AP1S3: variants seen among roughly 807,000 people sequenced by gnomAD.
The protein encoded by AP1S3 is AP-1 complex subunit sigma-3.
AP1S3 carries 10 observed loss-of-function variants against 20.9 expected under a neutral mutation model. That is an observed-to-expected ratio of 0.48 (90% CI 0.29 to 0.81). AP1S3 has a LOEUF of 0.81. Among genes scored for constraint, AP1S3 ranks in the 30% least tolerant of loss-of-function variants. The probability of loss-of-function intolerance (pLI) is 0.08; values close to 1 mark genes in which losing one functional copy is unlikely to be tolerated. For missense variants in AP1S3, 154 were observed against 183.8 expected, an observed-to-expected ratio of 0.84 and a Z score of 0.94; for synonymous variants, 41 against 61.5, an observed-to-expected ratio of 0.67 and a Z score of 1.56.
Position 223,756,795 on chromosome 2 carries a change from G to A in AP1S3, c.*1920C>T, listed in dbSNP as rs1379420040. 1.2e-5 allele frequency: 12 copies of A among 984,964 alleles called. No homozygotes were observed. The highest frequency in any genetic ancestry group is 1.4e-5 in the Non-Finnish European group (12 of 829,866). 61.0% of individuals were successfully genotyped at this position (984,964 alleles called of 1,614,324 possible). A position where few individuals can be genotyped will look rare whatever the true frequency, so the allele number is the denominator to read the frequency against. On this transcript the variant is annotated 3_prime_UTR_variant, in exon 5 of 5. Coordinates refer to ENST00000396654, the MANE Select transcript of AP1S3 (RefSeq NM_001039569.2). ...GAACTAAAGAGAACATTTTTCCATCGAGTTCTCTAAAAATCTACCAGATGG... is the reference window on the plus strand; with the variant it reads ...GAACTAAAGAGAACATTTTTCCATCAAGTTCTCTAAAAATCTACCAGATGG...
chr2:223,807,919 A>T (rs1449805845), intron 1 of AP1S3, among the ~76,000 whole-genome samples: 1 of 114,538 alleles, frequency 8.7e-6, no homozygotes, highest in African/African-American at 3.6e-5. Context: ...TCTGTCACCC[A>T]GGCAGTGACA....
In AP1S3 at chr2:223,756,455, A is replaced by G. The variant is rs1690221994; in HGVS notation, c.*2260T>C. ...AGGAAGGAAGAAAGGAAGGAAAAGA[A>G]AGAAAGAAAGAAAAGAAAGAAAGAA... On this transcript the variant is annotated 3_prime_UTR_variant, in exon 5 of 5. Coordinates refer to ENST00000396654, the MANE Select transcript of AP1S3 (RefSeq NM_001039569.2). The G allele has an allele frequency of 2.4e-6, 2 of 838,494 alleles. No individual in the cohort carries two copies. Among genetic ancestry groups the G allele is most frequent in the Admixed American group, 1.3e-4 (2 of 15,536 alleles). The allele number at this position is 838,494 out of a possible 1,614,324, so 51.9% of individuals were successfully genotyped here.
chr2:223,815,234 C>T (rs13408145), intron 1 of AP1S3, among the ~76,000 whole-genome samples: 49,016 of 152,094 alleles, frequency 0.32, 8,316 homozygotes, highest in Middle Eastern at 0.43. Context: ...TACTTTTTGG[C>T]ATCAAACCAA....
intron 1 of AP1S3, among the ~76,000 whole-genome samples, chr2:223,831,432 T>A (rs1692255530): frequency 6.6e-6 from 1 of 152,134 alleles, no homozygotes; most frequent in Admixed American, 6.6e-5. Flanking sequence ...CCGTGCCCGG[T>A]CAAGAAATAC....
chr2:223,825,038 G>A (rs1193100754), intron 1 of AP1S3, among the ~76,000 whole-genome samples: 2 of 151,970 alleles, frequency 1.3e-5, no homozygotes, highest in African/African-American at 4.8e-5. Context: ...GGCCGGGCTC[G>A]GTGGCTCACG....
intron 3 of AP1S3, among the ~76,000 whole-genome samples, chr2:223,767,132 G>A (rs1690504698): frequency 1.3e-5 from 2 of 151,906 alleles, no homozygotes; most frequent in Admixed American, 1.3e-4. Flanking sequence ...AAATACCTAT[G>A]TAACAAACCT....
intron 1 of AP1S3, among the ~76,000 whole-genome samples, chr2:223,795,686 G>A (rs922308892): frequency 4.6e-5 from 7 of 152,066 alleles, no homozygotes; most frequent in African/African-American, 1.7e-4. Context: ...TTTAAATCCC[G>A]GCTCTGTCAT....
At chr2:223,826,164 T>C (rs954428700) in intron 1 of AP1S3, among the ~76,000 whole-genome samples, 6 of 152,188 alleles carry the variant, frequency 3.9e-5, no homozygotes, top group South Asian at 2.1e-4. Context: ...AATATGCTGA[T>C]TGAATTTCTC....
chr2:223,788,099 A>C (rs1691118481), intron 1 of AP1S3, among the ~76,000 whole-genome samples: 1 of 151,814 alleles, frequency 6.6e-6, no homozygotes, highest in East Asian at 2.0e-4. Context: ...GACATGTGCC[A>C]CCATGCCTGG....
intron 1 of AP1S3, among the ~76,000 whole-genome samples, chr2:223,823,535 T>C (rs647138): frequency 0.66 from 99,606 of 151,994 alleles, 34,754 homozygotes; most frequent in African/African-American, 0.91. Flanking sequence ...CAAAGAAAGA[T>C]GAAGTCATAG....
chr2:223,764,050 C>T (rs1174528053), intron 4 of AP1S3, among the ~76,000 whole-genome samples: 1 of 152,162 alleles, frequency 6.6e-6, no homozygotes, highest in African/African-American at 2.4e-5. Flanking sequence ...TCCCAAGTAG[C>T]TGGGATTACA....
chr2:223,795,116 G>C (rs980718348), intron 1 of AP1S3, among the ~76,000 whole-genome samples: 1 of 152,152 alleles, frequency 6.6e-6, no homozygotes, highest in East Asian at 1.9e-4. Flanking sequence ...GGGCGTGGTG[G>C]CACATGCCTG....
At chr2:223,821,096 C>T (rs1691977227) in intron 1 of AP1S3, among the ~76,000 whole-genome samples, 1 of 152,160 alleles carries the variant, frequency 6.6e-6, no homozygotes, top group Admixed American at 6.5e-5. Context: ...GGTATGGATG[C>T]CTTCCCTCCC....
At chr2:223,798,693 A>G (rs1018604131) in intron 1 of AP1S3, among the ~76,000 whole-genome samples, 12 of 152,224 alleles carry the variant, frequency 7.9e-5, no homozygotes, top group African/African-American at 2.9e-4. Flanking sequence ...AGAATAATCC[A>G]CTTGCTATGA....
At chr2:223,789,697 G>T (rs1367961306) in intron 1 of AP1S3, among the ~76,000 whole-genome samples, 1 of 146,568 alleles carries the variant, frequency 6.8e-6, no homozygotes, top group Admixed American at 7.0e-5. Flanking sequence ...AAAAAGCCAG[G>T]CGTGGTGGCA....
intron 1 of AP1S3, among the ~76,000 whole-genome samples, chr2:223,809,553 A>C (rs1468774782): frequency 6.6e-6 from 1 of 151,684 alleles, no homozygotes; most frequent in African/African-American, 2.4e-5. Flanking sequence ...GCTGAGGCAG[A>C]GAATTGCTTG....
chr2:223,802,392 T>A (rs2106111777), intron 1 of AP1S3, among the ~76,000 whole-genome samples: 1 of 151,824 alleles, frequency 6.6e-6, no homozygotes, highest in South Asian at 2.1e-4. Flanking sequence ...AGCATCCACC[T>A]CCCTGGTTCA....
chr2:223,830,797 G>A (rs1387447428), intron 1 of AP1S3, among the ~76,000 whole-genome samples: 1 of 152,134 alleles, frequency 6.6e-6, no homozygotes, highest in Non-Finnish European at 1.5e-5. Context: ...CTAGGTCCAT[G>A]CCCCATCGCA....
At chr2:223,768,080 C>A (rs77492075) in intron 3 of AP1S3, among the ~76,000 whole-genome samples, 1 of 152,146 alleles carries the variant, frequency 6.6e-6, no homozygotes, top group East Asian at 1.9e-4. Context: ...TTGTGCCTCT[C>A]CAGTGTAAGG....
Sources: allele counts gnomAD v4.1 joint callset (sites outside exome capture counted in the v4.1 genomes callset), GRCh38; gene constraint gnomAD v4.1.1; transcripts MANE v1.5; gene names NCBI Gene and HGNC (gene_info 2026-07-23, HGNC 2026-07-21).